ERC1: variants seen among roughly 807,000 people sequenced by gnomAD.
ERC1 encodes the protein ELKS/RAB6-interacting/CAST family member 1.
ERC1 carries 56 observed loss-of-function variants against 132.0 expected under a neutral mutation model. That is an observed-to-expected ratio of 0.42 (90% CI 0.34 to 0.53). The LOEUF is 0.53. ERC1 is among the 20% of genes least tolerant of loss of function. The pLI, the probability that ERC1 is intolerant of heterozygous loss-of-function variation, is 0.03. For synonymous variants in ERC1, 478 were observed against 476.1 expected (o/e 1.00, Z -0.05); for missense variants, 1,202 against 1,349.9 (o/e 0.89, Z 1.72).
intron 2 of ERC1, among the ~76,000 whole-genome samples, chr12:1,073,517 C>G (rs143905130): frequency 6.8e-6 from 1 of 146,672 alleles, no homozygotes; most frequent in East Asian, 2.1e-4. Flanking sequence ...GGGGTGGTGG[C>G]GTACACCTGT....
chr12:1,311,201 G>A lies in ERC1; in HGVS notation c.2780+21189G>A, dbSNP rs556692653. Among the ~76,000 whole-genome samples the A allele has an allele frequency of 2.0e-4, 30 of 152,314 alleles. No individual in the cohort carries two copies. In the South Asian group the frequency reaches 5.6e-3, roughly 28 times the overall value. ...ACAGATACACCAGGGTTTGAATTCT[G>A]CCTGTGTCACTTAATTGCACTGGCT... On this transcript the variant is annotated intron_variant, in intron 15 of 18. Coordinates refer to ENST00000360905, the MANE Select transcript of ERC1 (RefSeq NM_178040.4).
At chr12:1,312,411 G>C (rs892287592) in intron 15 of ERC1, among the ~76,000 whole-genome samples, 2 of 152,146 alleles carry the variant, frequency 1.3e-5, no homozygotes, top group African/African-American at 4.8e-5. Context: ...ACCCAGGCTG[G>C]AATGCAGTGG....
chr12:1,393,544 C>T (rs1207939808), intron 16 of ERC1, among the ~76,000 whole-genome samples: 1 of 149,524 alleles, frequency 6.7e-6, no homozygotes, highest in Non-Finnish European at 1.5e-5. Context: ...ATTTAAATAT[C>T]AAAAAGAACT....
intron 15 of ERC1, among the ~76,000 whole-genome samples, chr12:1,364,684 C>T (rs2086486559): frequency 6.6e-6 from 1 of 152,198 alleles, no homozygotes; most frequent in Admixed American, 6.5e-5. Context: ...GGTGATTTCT[C>T]TCTGCTGTAC....
intron 16 of ERC1, among the ~76,000 whole-genome samples, chr12:1,388,429 T>A (rs1488534717): frequency 6.6e-6 from 1 of 151,096 alleles, no homozygotes; most frequent in Non-Finnish European, 1.5e-5. Flanking sequence ...GTGGCCAGGG[T>A]TGCTGAAGCA....
intron 8 of ERC1, among the ~76,000 whole-genome samples, chr12:1,166,405 G>C (rs747517343): frequency 7.9e-5 from 12 of 152,116 alleles, no homozygotes; most frequent in Non-Finnish European, 1.8e-4. Flanking sequence ...ATGTGCAACT[G>C]TAAGTCCATT....
intron 15 of ERC1, among the ~76,000 whole-genome samples, chr12:1,322,588 A>AG (rs921294808): frequency 6.6e-6 from 1 of 152,158 alleles, no homozygotes; most frequent in Admixed American, 6.5e-5. Flanking sequence ...CATGCCAGAG[A>AG]GGGGTATGTT....
chr12:1,198,212 G>A (rs1390515342), intron 12 of ERC1, among the ~76,000 whole-genome samples: 2 of 152,164 alleles, frequency 1.3e-5, no homozygotes, highest in African/African-American at 2.4e-5. Context: ...ACAGAGGTGA[G>A]CCACTGCAGC....
intron 15 of ERC1, among the ~76,000 whole-genome samples, chr12:1,343,352 C>A (rs754841643): frequency 5.2e-4 from 79 of 152,196 alleles, no homozygotes; most frequent in African/African-American, 1.9e-3. Context: ...CAAATTCTAG[C>A]AGCTTTGGTG....
intron 17 of ERC1, among the ~76,000 whole-genome samples, chr12:1,415,028 G>A (rs1023794487): frequency 2.6e-5 from 4 of 152,232 alleles, no homozygotes; most frequent in Non-Finnish European, 5.9e-5. Context: ...AAGAATTTTA[G>A]AGAAATGTTG....
chr12:1,083,817 C>T (rs1226673249), intron 3 of ERC1, among the ~76,000 whole-genome samples: 1 of 152,146 alleles, frequency 6.6e-6, no homozygotes, highest in East Asian at 1.9e-4. Context: ...TCCTGCTCCC[C>T]TGATTTTGAG....
chr12:1,150,352 T>C (rs1950726172), intron 8 of ERC1, among the ~76,000 whole-genome samples: 1 of 152,194 alleles, frequency 6.6e-6, no homozygotes, highest in Non-Finnish European at 1.5e-5. Flanking sequence ...ACTAAAATAT[T>C]TTCCAGAAGC....
intron 18 of ERC1, among the ~76,000 whole-genome samples, chr12:1,479,191 G>T (rs1051230953): frequency 6.6e-6 from 1 of 152,098 alleles, no homozygotes; most frequent in Non-Finnish European, 1.5e-5. Flanking sequence ...CTGCCGCCTT[G>T]CAGTGACAGC....
intron 2 of ERC1, among the ~76,000 whole-genome samples, chr12:1,046,715 A>G (rs1461644682): frequency 6.6e-6 from 1 of 152,204 alleles, no homozygotes; most frequent in Non-Finnish European, 1.5e-5. Flanking sequence ...GCTCTATGTT[A>G]TTAACCATCA....
chr12:1,109,208 A>G (rs1165871036), intron 4 of ERC1, among the ~76,000 whole-genome samples: 3 of 152,226 alleles, frequency 2.0e-5, no homozygotes, highest in Non-Finnish European at 4.4e-5. Flanking sequence ...AAATCAAGAG[A>G]TCGAATATGA....
At chr12:1,431,911 T>C (rs1255801695) in intron 17 of ERC1, among the ~76,000 whole-genome samples, 3 of 152,178 alleles carry the variant, frequency 2.0e-5, no homozygotes, top group Admixed American at 6.5e-5. Flanking sequence ...TTTTTGTTTG[T>C]TTTTGAGACA....
At chr12:1,145,261 C>T (rs1284575648) in intron 8 of ERC1, among the ~76,000 whole-genome samples, 1 of 152,178 alleles carries the variant, frequency 6.6e-6, no homozygotes, top group African/African-American at 2.4e-5. Context: ...AGGTGATCCA[C>T]CCGCCTCGGC....
At chr12:1,321,342 G>GTGTGTGTGTGTA (rs112838015) in intron 15 of ERC1, among the ~76,000 whole-genome samples, 2 of 152,014 alleles carry the variant, frequency 1.3e-5, no homozygotes, top group African/African-American at 2.4e-5. Flanking sequence ...GTGTGTGTGT[G>GTGTGTGTGTGTA]TATATTTTGC....
At chr12:1,158,868 A>T (rs1294161908) in intron 8 of ERC1, among the ~76,000 whole-genome samples, 2 of 152,144 alleles carry the variant, frequency 1.3e-5, no homozygotes, top group African/African-American at 2.4e-5. Context: ...TGTTTATGTT[A>T]TCTTTTTATA....
Sources: gnomAD v4.1 joint callset for allele counts (sites outside exome capture counted in the v4.1 genomes callset) on GRCh38, gnomAD v4.1.1 for gene constraint, MANE v1.5 for transcripts, NCBI Gene and HGNC (gene_info 2026-07-23, HGNC 2026-07-21) for gene names.